Variants in NALCN observed in about 807,000 individuals in gnomAD.
NALCN encodes sodium leak channel, non-selective.
NALCN carries 111 observed loss-of-function variants against 225.3 expected under a neutral mutation model. The observed-to-expected ratio is 0.49, with a 90% confidence interval of 0.42 to 0.58. The LOEUF (loss-of-function observed/expected upper bound fraction) is 0.58, where lower values mean the gene tolerates loss of function less well. NALCN is among the 20% of genes least tolerant of loss of function. The probability of loss-of-function intolerance (pLI) is 0.00; values close to 1 mark genes in which losing one functional copy is unlikely to be tolerated. For synonymous variants in NALCN, 764 were observed against 769.0 expected (o/e 0.99, Z 0.11); for missense variants, 1,378 against 2,202.4 (o/e 0.63, Z 7.49).
At chr13:101,315,819 G>A (rs9585665) in intron 7 of NALCN, among the ~76,000 whole-genome samples, 5,362 of 152,084 alleles carry the variant, frequency 0.035, 288 homozygotes, top group African/African-American at 0.12. Flanking sequence ...GGGTAAAAAT[G>A]AAACATCACT....
At chr13:101,348,358 T>A (rs2139312524) in intron 6 of NALCN, among the ~76,000 whole-genome samples, 1 of 152,282 alleles carries the variant, frequency 6.6e-6, no homozygotes, top group African/African-American at 2.4e-5. Context: ...CTGTAAATTG[T>A]ATAAAACAGG....
chr13:101,142,756 C>T, intron 17 of NALCN: 1 of 328,544 alleles, frequency 3.0e-6, no homozygotes, highest in Non-Finnish European at 5.9e-6. Context: ...CAGGAGATGG[C>T]AGGTCATTAC....
intron 7 of NALCN, among the ~76,000 whole-genome samples, chr13:101,343,471 C>G (rs1178478667): frequency 1.3e-5 from 2 of 152,152 alleles, no homozygotes; most frequent in Non-Finnish European, 2.9e-5. Context: ...GCTCTGCCTC[C>G]TCATACAAAC....
At position 101,295,671 on chromosome 13, in the gene NALCN, G is replaced by A. The variant is rs567737440; in HGVS notation, c.800-3305C>T. On this transcript the variant is annotated intron_variant, in intron 7 of 43. Coordinates refer to ENST00000251127, the MANE Select transcript of NALCN (RefSeq NM_052867.4). ...AGGGTTTGTTGACACAAAGAGGTGAGACATTCGTGAAAGTATAACCAAAAC... is the reference window on the plus strand; with the variant it reads ...AGGGTTTGTTGACACAAAGAGGTGAAACATTCGTGAAAGTATAACCAAAAC... Among the ~76,000 whole-genome samples, 18 of 152,216 alleles carry A rather than the reference G, an allele frequency of 1.2e-4. No individual in the cohort carries two copies. In the South Asian group the frequency reaches 2.9e-3, roughly 25 times the overall value.
intron 7 of NALCN, among the ~76,000 whole-genome samples, chr13:101,313,107 G>T (rs2044413489): frequency 6.6e-6 from 1 of 152,140 alleles, no homozygotes; most frequent in Non-Finnish European, 1.5e-5. Flanking sequence ...AATAAATGGT[G>T]CTGGGAAAAC....
intron 15 of NALCN, among the ~76,000 whole-genome samples, chr13:101,172,256 G>A (rs1026017153): frequency 1.3e-5 from 2 of 152,060 alleles, no homozygotes; most frequent in Non-Finnish European, 2.9e-5. Context: ...GGGAGCTTCT[G>A]AGGGGAACGC....
Position 101,055,657 on chromosome 13 carries a change from A to AT in NALCN, c.5024-170dup, listed in dbSNP as rs138944235. Among the ~76,000 whole-genome samples, 1,269 of 150,430 alleles carry AT rather than the reference A, an allele frequency of 8.4e-3. 23 individuals are homozygous for AT. Among genetic ancestry groups the AT allele is most frequent in the East Asian group, 0.068 (350 of 5,132 alleles). Reference sequence around the variant, plus strand: ...ACTTGATTCTTTATGTTCACGATAGATTTTTTTTTTAATTGTGCTCATGGA... The same window carrying AT: ...ACTTGATTCTTTATGTTCACGATAGATTTTTTTTTTTAATTGTGCTCATGGA... On this transcript the variant is annotated intron_variant, in intron 43 of 43. Coordinates refer to ENST00000251127, the MANE Select transcript of NALCN (RefSeq NM_052867.4).
At chr13:101,380,832 A>G (rs761569896) in intron 3 of NALCN, among the ~76,000 whole-genome samples, 39 of 150,238 alleles carry the variant, frequency 2.6e-4, no homozygotes, top group Non-Finnish European at 4.1e-4. Flanking sequence ...CCTGTTTTAC[A>G]TTAGAGGATA....
intron 7 of NALCN, among the ~76,000 whole-genome samples, chr13:101,309,624 G>A (rs2044270469): frequency 6.6e-6 from 1 of 152,166 alleles, no homozygotes. Flanking sequence ...TGGTTTGAGT[G>A]AAATTCACAT....
Position 101,075,763 on chromosome 13 carries a change from T to C in NALCN, c.3954+110A>G, listed in dbSNP as rs566628100. 3.8e-6 allele frequency: 3 copies of C among 784,036 alleles called. No homozygotes were observed. The East Asian group carries it at 8.3e-5, about 22-fold the overall frequency. The allele number at this position is 784,036 out of a possible 1,614,324, so 48.6% of individuals were successfully genotyped here. On this transcript the variant is annotated intron_variant, in intron 35 of 43. Transcript: ENST00000251127. ...AATCTTGACTTATGATGTCTAGTAA[T>C]TTGTGATTACATCCCTAAATAACCG...
chr13:101,191,859 T>G, intron 14 of NALCN, 58 bp downstream of exon 14: 2 of 1,552,952 alleles, frequency 1.3e-6, no homozygotes, highest in Non-Finnish European at 1.7e-6. Flanking sequence ...AAATATCTGT[T>G]GATGTTCATC....
chr13:101,219,423 T>G (rs1341464711), intron 13 of NALCN, among the ~76,000 whole-genome samples: 1 of 152,172 alleles, frequency 6.6e-6, no homozygotes, highest in African/African-American at 2.4e-5. Flanking sequence ...GATGTTTGTG[T>G]TGGTTCAGCA....
At chr13:101,133,316 G>C (rs2036606027) in intron 17 of NALCN, among the ~76,000 whole-genome samples, 1 of 151,986 alleles carries the variant, frequency 6.6e-6, no homozygotes, top group African/African-American at 2.4e-5. Context: ...TTTCTAACTG[G>C]GAAAAAGTTT....
intron 7 of NALCN, among the ~76,000 whole-genome samples, chr13:101,338,743 C>G (rs1393318821): frequency 6.6e-6 from 1 of 152,170 alleles, no homozygotes; most frequent in Non-Finnish European, 1.5e-5. Context: ...GGAAATAATG[C>G]TAACATTCCA....
At chr13:101,165,320 G>A (rs2038385461) in intron 15 of NALCN, among the ~76,000 whole-genome samples, 1 of 152,124 alleles carries the variant, frequency 6.6e-6, no homozygotes, top group Admixed American at 6.5e-5. Flanking sequence ...CCTATCCTCT[G>A]CAACCCAGCT....
intron 12 of NALCN, among the ~76,000 whole-genome samples, chr13:101,234,368 T>C (rs1407281472): frequency 6.6e-6 from 1 of 152,182 alleles, no homozygotes; most frequent in Non-Finnish European, 1.5e-5. Context: ...GTCTAACAGA[T>C]AACTAATATT....
intron 13 of NALCN, among the ~76,000 whole-genome samples, chr13:101,219,106 C>T (rs1166420690): frequency 1.3e-5 from 2 of 152,044 alleles, no homozygotes; most frequent in Non-Finnish European, 2.9e-5. Flanking sequence ...TATCAACATA[C>T]ATTTTTGGGG....
chr13:101,340,718 T>C (rs2045531725), intron 7 of NALCN, among the ~76,000 whole-genome samples: 1 of 152,174 alleles, frequency 6.6e-6, no homozygotes, highest in African/African-American at 2.4e-5. Flanking sequence ...TCAAGCAAAC[T>C]TTACCACAAA....
chr13:101,208,445 A>C (rs1032020504), intron 13 of NALCN, among the ~76,000 whole-genome samples: 10 of 152,360 alleles, frequency 6.6e-5, no homozygotes, highest in South Asian at 2.1e-4. Flanking sequence ...AAGACCAAGA[A>C]CCCAACAATT....
Sources: allele counts gnomAD v4.1 joint callset (sites outside exome capture counted in the v4.1 genomes callset), GRCh38; gene constraint gnomAD v4.1.1; transcripts MANE v1.5; gene names NCBI Gene and HGNC (gene_info 2026-07-23, HGNC 2026-07-21).